GRM4: variants seen among roughly 807,000 people sequenced by gnomAD.
GRM4 encodes glutamate metabotropic receptor 4.
GRM4 carries 28 observed loss-of-function variants against 81.7 expected under a neutral mutation model. That is an observed-to-expected ratio of 0.34 (90% CI 0.25 to 0.47). The LOEUF (loss-of-function observed/expected upper bound fraction) is 0.47. Among genes scored for constraint, GRM4 ranks in the 20% least tolerant of loss-of-function variants. The pLI is 1.00. For missense variants in GRM4, 948 were observed against 1,290.0 expected (o/e 0.73, Z 4.06); for synonymous variants, 488 against 528.8 (o/e 0.92, Z 1.06).
At position 34,152,903 on chromosome 6, in the gene GRM4, A is replaced by G. The variant is rs1433087944; in HGVS notation, c.312+2176T>C. ...GCATCTCAGGAGGGCCAGGGCCTGC[A>G]GAGACCCAGGCTGGGGGTGGAGTAG... On this transcript the variant is annotated intron_variant, in intron 1 of 8. Transcript: ENST00000374177. This position sits in a 1 kb window ranked among gnomAD's most constrained non-coding sequence, Gnocchi z 4.1. 2.0e-5 allele frequency among the ~76,000 whole-genome samples: 3 copies of G among 152,074 alleles called. No homozygotes were observed. Among genetic ancestry groups the G allele is most frequent in the Non-Finnish European group, 4.4e-5 (3 of 67,986 alleles).
chr6:34,028,356 T>A lies in GRM4; in HGVS notation c.2453A>T (p.Gln818Leu). ...CACCGAGACCGTCAGCGTCGTCGTC[T>A]GGATGTACAGCTGGCGGAGGGCACG... is the stretch of plus-strand genomic sequence containing the variant. Reference protein sequence around the residue: ...TSQSADKLYIQTTTLTVSVSL... With the variant: ...TSQSADKLYILTTTLTVSVSL... Residue 818 changes from glutamine to leucine, a missense_variant, in exon 10 of 11, where the codon CAG becomes CTG. Physicochemically the swap from Gln to Leu is moderately radical, Grantham distance 113 (BLOSUM62 -2). Transcript: ENST00000538487. 6.2e-7 allele frequency: 1 copy of A among 1,610,112 alleles called. No homozygotes were observed. The highest frequency in any genetic ancestry group is 8.5e-7 in the Non-Finnish European group (1 of 1,179,772).
At chr6:34,065,707 G>T (rs572944834) in intron 3 of GRM4, among the ~76,000 whole-genome samples, 2 of 152,132 alleles carry the variant, frequency 1.3e-5, no homozygotes, top group Non-Finnish European at 2.9e-5. Flanking sequence ...GCGTCTGCTC[G>T]CCGGCCAGGG....
chr6:34,075,961 C>A (rs897474073), intron 3 of GRM4, among the ~76,000 whole-genome samples: 2 of 152,216 alleles, frequency 1.3e-5, no homozygotes, highest in Non-Finnish European at 2.9e-5. Context: ...TGGGAGCCAG[C>A]GCTGGGCTAG....
In GRM4 at chr6:34,129,107, C is replaced by T. The variant is rs545095987; in HGVS notation, c.519+3871G>A. On this transcript the variant is annotated intron_variant, in intron 2 of 10. Coordinates refer to ENST00000538487, the MANE Select transcript of GRM4 (RefSeq NM_000841.4). ...TCGGCTCACTGCAACCTCTGCCTCCCGGGCTCAAGTGATTCTCCTGCCTCA... is the reference window on the plus strand; with the variant it reads ...TCGGCTCACTGCAACCTCTGCCTCCTGGGCTCAAGTGATTCTCCTGCCTCA... Among the ~76,000 whole-genome samples, 34 of 152,060 alleles carry T rather than the reference C, an allele frequency of 2.2e-4. No individual in the cohort carries two copies. In the South Asian group the frequency reaches 5.4e-3, roughly 24 times the overall value.
rs578178378 is a variant in GRM4, at chr6:34,124,352, C to T, written c.519+8626G>A. Among the ~76,000 whole-genome samples the T allele has an allele frequency of 8.5e-4, 129 of 152,326 alleles. 1 individual carries two copies. Among genetic ancestry groups the T allele is most frequent in the African/African-American group, 2.8e-3 (118 of 41,576 alleles). ...AAAAGTCCGCTCTGAACAAGGCCCC[C>T]CCACCAACCCTGCCTAGACTGACAT... On this transcript the variant is annotated intron_variant, in intron 2 of 10. Coordinates refer to ENST00000538487, the MANE Select transcript of GRM4 (RefSeq NM_000841.4).
intron 2 of GRM4, among the ~76,000 whole-genome samples, chr6:34,097,658 A>G (rs762155177): frequency 3.3e-5 from 5 of 152,228 alleles, no homozygotes; most frequent in Non-Finnish European, 5.9e-5. Flanking sequence ...CGCTGAGGGC[A>G]GCTGGTCCAC....
At position 34,019,807 on chromosome 6, in the gene GRM4, A is replaced by T. The variant is rs1763806662; in HGVS notation, c.*3014T>A. On this transcript the variant is annotated 3_prime_UTR_variant, in exon 11 of 11. Coordinates refer to ENST00000538487, the MANE Select transcript of GRM4 (RefSeq NM_000841.4). Reference sequence around the variant, plus strand: ...CCAGTCATTAATAATTGAGGATGAGAGCAAAGGTGAGCAGCCAAGCCAATT... The same window carrying T: ...CCAGTCATTAATAATTGAGGATGAGTGCAAAGGTGAGCAGCCAAGCCAATT... 1 of 152,144 alleles carries T rather than the reference A, an allele frequency of 6.6e-6. No individual in the cohort carries two copies. The highest frequency in any genetic ancestry group is 2.4e-5 in the African/African-American group (1 of 41,392). The allele number at this position is 152,144 out of a possible 1,614,324, so 9.4% of individuals were successfully genotyped here.
intron 2 of GRM4, among the ~76,000 whole-genome samples, chr6:34,127,459 A>G (rs1770065788): frequency 6.6e-6 from 1 of 152,258 alleles, no homozygotes; most frequent in Non-Finnish European, 1.5e-5. Flanking sequence ...CATCAGGGGC[A>G]CCAGGTAGCA....
In GRM4 at chr6:34,035,581, A is replaced by AG. The variant is rs1374947744; in HGVS notation, c.2442+86dup. The AG allele has an allele frequency of 1.4e-4, 101 of 718,316 alleles. No individual in the cohort carries two copies. In the African/African-American group the frequency reaches 1.7e-3, roughly 12 times the overall value. The allele number at this position is 718,316 out of a possible 1,614,324, so 44.5% of individuals were successfully genotyped here. A position where few individuals can be genotyped will look rare whatever the true frequency, so the allele number is the denominator to read the frequency against. ...GCATGAAAGAAGGCATTTCTGGAGC[A>AG]GGGGGGAGGCCAGCCAGCCTCAGGA... On this transcript the variant is annotated intron_variant, in intron 9 of 10. Transcript: ENST00000538487. This position sits in a 1 kb window ranked among gnomAD's most constrained non-coding sequence, Gnocchi z 6.6.
chr6:34,050,823 C>T (rs574671650), intron 6 of GRM4, among the ~76,000 whole-genome samples: 2 of 152,332 alleles, frequency 1.3e-5, no homozygotes, highest in South Asian at 4.1e-4. Context: ...ATCCACTATA[C>T]CTTGTCTGCA....
chr6:34,050,411 G>A (rs1478175544), intron 6 of GRM4, among the ~76,000 whole-genome samples: 2 of 152,136 alleles, frequency 1.3e-5, no homozygotes, highest in East Asian at 1.9e-4. Flanking sequence ...CCGTCCTCAT[G>A]GTAATGAGTG....
At chr6:34,129,799 G>A (rs561091124) in intron 2 of GRM4, among the ~76,000 whole-genome samples, 61 of 152,260 alleles carry the variant, frequency 4.0e-4, no homozygotes, top group Non-Finnish European at 2.9e-5. Context: ...TTCCAGCTCT[G>A]AGCCTTGTGA....
At chr6:34,148,518 A>C (rs1426421345), upstream of GRM4, among the ~76,000 whole-genome samples, 8 of 152,124 alleles carry the variant, frequency 5.3e-5, no homozygotes, top group Admixed American at 5.2e-4. Flanking sequence ...GTGGGAGAAA[A>C]GCAATCAGAG....
At chr6:34,067,918 G>A (rs536874381) in intron 3 of GRM4, among the ~76,000 whole-genome samples, 3 of 152,294 alleles carry the variant, frequency 2.0e-5, no homozygotes, top group African/African-American at 7.2e-5. Flanking sequence ...CTTCAGGGAA[G>A]TACAGGCCCC....
At chr6:34,155,383 G>A in exon 1 of GRM4, 2 of 1,497,856 alleles carry the variant, frequency 1.3e-6, no homozygotes, top group Non-Finnish European at 1.8e-6. Context: ...AGGCTCCCAA[G>A]CCGGCATCCT....
rs927913930 is a variant in GRM4, at chr6:34,047,814, C to T, written c.1169-7066G>A. Among the ~76,000 whole-genome samples, 5 of 152,144 alleles carry T rather than the reference C, an allele frequency of 3.3e-5. No homozygotes were observed. The highest frequency in any genetic ancestry group is 2.1e-4 in the South Asian group (1 of 4,830). On this transcript the variant is annotated intron_variant, in intron 6 of 10. Coordinates refer to ENST00000538487, the MANE Select transcript of GRM4 (RefSeq NM_000841.4). This position sits in a 1 kb window ranked among gnomAD's most constrained non-coding sequence, Gnocchi z 4.5. ...GTGAAGCAGCTTACCCAGTGGGAGT[C>T]GATTCTTGACTCCCTCTCAAGTGTT...
Position 34,047,460 on chromosome 6 carries a change from C to G in GRM4, c.1169-6712G>C, listed in dbSNP as rs1030283876. Among the ~76,000 whole-genome samples the G allele has an allele frequency of 3.3e-5, 5 of 152,166 alleles. No homozygotes were observed. The highest frequency in any genetic ancestry group is 1.2e-4 in the African/African-American group (5 of 41,440). On this transcript the variant is annotated intron_variant, in intron 6 of 10. Coordinates refer to ENST00000538487, the MANE Select transcript of GRM4 (RefSeq NM_000841.4). The surrounding 1 kb of genome is among the most constrained non-coding windows in gnomAD (Gnocchi z 4.5). ...TGTTCCCGAGTCCAGGCTCACCATCCCACAAGCCCCCAAATTCCCAGAAGT... is the reference window on the plus strand; with the variant it reads ...TGTTCCCGAGTCCAGGCTCACCATCGCACAAGCCCCCAAATTCCCAGAAGT...
chr6:34,099,118 C>T (rs768723902), intron 2 of GRM4, among the ~76,000 whole-genome samples: 21 of 152,204 alleles, frequency 1.4e-4, no homozygotes, highest in Non-Finnish European at 2.8e-4. Context: ...CCCCAACCTC[C>T]CATGGGCAAG....
chr6:34,139,667 G>A (rs1770598753), intron 1 of GRM4, among the ~76,000 whole-genome samples: 2 of 152,226 alleles, frequency 1.3e-5, no homozygotes, highest in African/African-American at 4.8e-5. Context: ...CCCAGTCCGA[G>A]GTTCAGAACA....
Sources: allele counts gnomAD v4.1 joint callset (sites outside exome capture counted in the v4.1 genomes callset), GRCh38; gene constraint gnomAD v4.1.1; non-coding constraint Gnocchi (gnomAD v3.1); transcripts MANE v1.5; gene names NCBI Gene and HGNC (gene_info 2026-07-23, HGNC 2026-07-21).